The following CTNNA2 variants were observed in gnomAD, a reference collection of about 807,000 sequenced individuals.
CTNNA2 encodes catenin alpha-2.
In CTNNA2, 42 loss-of-function variants were observed where a neutral mutation model predicts 101.0. The ratio of observed to expected loss-of-function variants is 0.42; its 90% CI spans 0.32 to 0.54. The LOEUF is 0.54. CTNNA2 is among the 20% of genes least tolerant of loss of function. The pLI is 0.14. For missense variants in CTNNA2, 871 were observed against 1,223.1 expected, an observed-to-expected ratio of 0.71 and a Z score of 4.29; for synonymous variants, 450 against 456.4, an observed-to-expected ratio of 0.99 and a Z score of 0.18.
At chr2:79,271,109 G>A (rs1675071699) in intron 2 of CTNNA2, among the ~76,000 whole-genome samples, 1 of 152,118 alleles carries the variant, frequency 6.6e-6, no homozygotes, top group Non-Finnish European at 1.5e-5. Context: ...AGAGAGATGA[G>A]AAGGGAAAGA....
At chr2:79,275,059 G>A (rs1037653006) in intron 2 of CTNNA2, among the ~76,000 whole-genome samples, 2 of 152,030 alleles carry the variant, frequency 1.3e-5, no homozygotes, top group African/African-American at 4.8e-5. Context: ...TGGAAAGAAA[G>A]GGGCTCCAGT....
chr2:79,685,849 C>T (rs556942854), intron 2 of CTNNA2, among the ~76,000 whole-genome samples: 1 of 152,142 alleles, frequency 6.6e-6, no homozygotes, highest in Admixed American at 6.5e-5. Flanking sequence ...ATCCACCTTG[C>T]AGTTCCAAAG....
At chr2:80,490,440 T>C (rs1356137698) in intron 9 of CTNNA2, among the ~76,000 whole-genome samples, 1 of 152,122 alleles carries the variant, frequency 6.6e-6, no homozygotes, top group Non-Finnish European at 1.5e-5. Context: ...AATAACTTTA[T>C]TTGAGGACAT....
chr2:79,457,677 G>A (rs780195824), intron 4 of CTNNA2, among the ~76,000 whole-genome samples: 19 of 152,084 alleles, frequency 1.2e-4, no homozygotes, highest in Non-Finnish European at 2.1e-4. Flanking sequence ...GAAACTCCGC[G>A]AGTATTTCCC....
intron 2 of CTNNA2, among the ~76,000 whole-genome samples, chr2:79,292,718 T>C (rs1009365240): frequency 7.9e-5 from 12 of 152,174 alleles, no homozygotes; most frequent in Admixed American, 3.3e-4. Context: ...TGGGATGGAA[T>C]TAGAGATCAG....
chr2:79,613,761 C>T (rs2104223495), intron 1 of CTNNA2, among the ~76,000 whole-genome samples: 1 of 152,220 alleles, frequency 6.6e-6, no homozygotes, highest in Non-Finnish European at 1.5e-5. Flanking sequence ...CTCAAGTGAT[C>T]CTCCTGCCTT....
At chr2:79,376,688 A>G (rs1228196787) in intron 4 of CTNNA2, among the ~76,000 whole-genome samples, 1 of 151,776 alleles carries the variant, frequency 6.6e-6, no homozygotes. Flanking sequence ...TGCTGTGTCC[A>G]TGTGTTCTCA....
At chr2:79,526,169 G>A (rs986650888) in intron 1 of CTNNA2, among the ~76,000 whole-genome samples, 3 of 151,828 alleles carry the variant, frequency 2.0e-5, no homozygotes, top group Admixed American at 1.3e-4. Context: ...ATTATAAGTG[G>A]CATTATAAAA....
intron 7 of CTNNA2, among the ~76,000 whole-genome samples, chr2:80,392,376 T>G (rs1677596633): frequency 6.6e-6 from 1 of 152,200 alleles, no homozygotes; most frequent in Non-Finnish European, 1.5e-5. Context: ...ACATTTATCT[T>G]TTAAGGGGAA....
At position 80,302,895 on chromosome 2, in the gene CTNNA2, T is replaced by C. The variant is rs1676492814; in HGVS notation, c.1057-90316T>C. On this transcript the variant is annotated intron_variant, in intron 7 of 18. Coordinates refer to ENST00000402739, the MANE Select transcript of CTNNA2 (RefSeq NM_001282597.3). The surrounding 1 kb of genome is among the most constrained non-coding windows in gnomAD (Gnocchi z 6.4). ...TCCCACAGGTTCCCGGCCAGGGTGATGCTTGTCAGGGACTTCCAAGAGTTG... is the reference window on the plus strand; with the variant it reads ...TCCCACAGGTTCCCGGCCAGGGTGACGCTTGTCAGGGACTTCCAAGAGTTG... The C allele has an allele frequency of 6.2e-7, 1 of 1,613,984 alleles. No homozygotes were observed. The highest frequency in any genetic ancestry group is 1.7e-5 in the Admixed American group (1 of 60,004).
At chr2:80,129,309 C>T (rs1702293439) in intron 7 of CTNNA2, among the ~76,000 whole-genome samples, 1 of 152,332 alleles carries the variant, frequency 6.6e-6, no homozygotes, top group African/African-American at 2.4e-5. Context: ...GGAATTACCA[C>T]TGTAGCCTCC....
chr2:80,001,714 G>C (rs187431782), intron 7 of CTNNA2, among the ~76,000 whole-genome samples: 2 of 152,262 alleles, frequency 1.3e-5, no homozygotes, highest in East Asian at 3.9e-4. Context: ...TGTTGAGGAA[G>C]GATGCCTTGG....
chr2:79,279,515 A>G (rs1675304986), intron 2 of CTNNA2, among the ~76,000 whole-genome samples: 1 of 152,162 alleles, frequency 6.6e-6, no homozygotes, highest in African/African-American at 2.4e-5. Flanking sequence ...CACAGGATGT[A>G]ACAAATGAGC....
intron 17 of CTNNA2, among the ~76,000 whole-genome samples, chr2:80,609,210 T>C (rs1698260716): frequency 6.6e-6 from 1 of 151,830 alleles, no homozygotes; most frequent in Non-Finnish European, 1.5e-5. Flanking sequence ...GGTGAATACC[T>C]TATGAAAATC....
At chr2:79,957,953 TAA>T (rs1689359984) in intron 7 of CTNNA2, among the ~76,000 whole-genome samples, 1 of 152,232 alleles carries the variant, frequency 6.6e-6, no homozygotes, top group Non-Finnish European at 1.5e-5. Context: ...TTCAGATTCT[TAA>T]AGACAGTGGC....
At chr2:80,020,410 A>T (rs1323984204) in intron 7 of CTNNA2, among the ~76,000 whole-genome samples, 4 of 152,154 alleles carry the variant, frequency 2.6e-5, no homozygotes, top group Admixed American at 2.6e-4. Flanking sequence ...GAGGTAGAAA[A>T]ATCTGCTCAT....
At chr2:80,271,711 C>A (rs968892014) in intron 7 of CTNNA2, among the ~76,000 whole-genome samples, 3 of 152,120 alleles carry the variant, frequency 2.0e-5, no homozygotes, top group Non-Finnish European at 4.4e-5. Flanking sequence ...TGTGAGCCAC[C>A]GTGCCCAGCC....
Position 79,314,813 on chromosome 2 carries a change from C to T in CTNNA2, c.-318+2017C>T, listed in dbSNP as rs148167226. ...CAAATTCTTTCCCTGAGAAAGGCTA[C>T]ACTGTGTTTCCTCCAGACACTTCAT... On this transcript the variant is annotated intron_variant, in intron 3 of 21. Coordinates refer to the CTNNA2 transcript ENST00000466387. 3.7e-3 allele frequency among the ~76,000 whole-genome samples: 556 copies of T among 152,282 alleles called. 2 individuals are homozygous for T. The highest frequency in any genetic ancestry group is 0.013 in the African/African-American group (530 of 41,552).
chr2:79,620,329 T>C (rs1460300033), intron 1 of CTNNA2, among the ~76,000 whole-genome samples: 1 of 152,162 alleles, frequency 6.6e-6, no homozygotes, highest in Non-Finnish European at 1.5e-5. Context: ...GCTTCTATAT[T>C]TTTTTAGTGT....
Sources: gnomAD v4.1 joint callset for allele counts (sites outside exome capture counted in the v4.1 genomes callset) on GRCh38, gnomAD v4.1.1 for gene constraint, Gnocchi (gnomAD v3.1) non-coding constraint, MANE v1.5 for transcripts, NCBI Gene and HGNC (gene_info 2026-07-23, HGNC 2026-07-21) for gene names.